The following SCAPER variants were observed in gnomAD, a reference collection of about 807,000 sequenced individuals.
SCAPER encodes S-phase cyclin A associated protein in the ER.
SCAPER carries 98 observed loss-of-function variants against 182.2 expected under a neutral mutation model. The observed-to-expected ratio is 0.54, with a 90% CI of 0.46 to 0.64. SCAPER has a LOEUF of 0.64. SCAPER is among the 30% of genes least tolerant of loss of function. The probability of loss-of-function intolerance (pLI) is 0.00; values close to 1 mark genes in which losing one functional copy is unlikely to be tolerated. For missense variants in SCAPER, 1,432 were observed against 1,690.0 expected, an observed-to-expected ratio of 0.85 and a Z score of 2.68; for synonymous variants, 605 against 564.6, an observed-to-expected ratio of 1.07 and a Z score of -1.01.
chr15:76,440,908 T>TC, intron 25 of SCAPER, among the ~76,000 whole-genome samples: 1 of 33,394 alleles, frequency 3.0e-5, no homozygotes, highest in Non-Finnish European at 7.4e-5. Context: ...CCCCTTCTGG[T>TC]TTTTTTTTTG....
In SCAPER at chr15:76,793,173, C is replaced by T. The variant is rs549097384; in HGVS notation, c.772+2107G>A. 1.7e-5 allele frequency: 18 copies of T among 1,029,580 alleles called. No homozygotes were observed. In the Admixed American group the frequency reaches 2.4e-4, roughly 14 times the overall value. The allele number at this position is 1,029,580 out of a possible 1,614,324, so 63.8% of individuals were successfully genotyped here. ...TTAACTAGAATTATTTTTTATAACA[C>T]AAAAATTACAAACTTCAGTTCTATA... On this transcript the variant is annotated intron_variant, in intron 8 of 31. Coordinates refer to ENST00000563290, the MANE Select transcript of SCAPER (RefSeq NM_020843.4).
intron 27 of SCAPER, among the ~76,000 whole-genome samples, chr15:76,392,190 C>T (rs561071793): frequency 1.3e-5 from 2 of 152,176 alleles, no homozygotes; most frequent in East Asian, 3.9e-4. Flanking sequence ...CTTGCTGTGG[C>T]TTGATTTACC....
At chr15:76,654,065 A>G (rs1187024630) in intron 21 of SCAPER, among the ~76,000 whole-genome samples, 2 of 152,236 alleles carry the variant, frequency 1.3e-5, no homozygotes, top group Non-Finnish European at 2.9e-5. Flanking sequence ...ACTTCTCAAA[A>G]GAAGATATAT....
intron 1 of SCAPER, among the ~76,000 whole-genome samples, chr15:76,884,517 T>C (rs1368134613): frequency 2.0e-5 from 3 of 152,180 alleles, no homozygotes; most frequent in Admixed American, 2.0e-4. Flanking sequence ...GGGAAATTGC[T>C]TAACAAACAA....
At chr15:76,586,898 C>T (rs2469243) in intron 22 of SCAPER, among the ~76,000 whole-genome samples, 147,436 of 152,076 alleles carry the variant, frequency 0.97, 71,622 homozygotes, top group South Asian at 1. Flanking sequence ...TCTTTGAATG[C>T]CTGATAGAAT....
At chr15:76,526,398 A>G (rs2043201456) in intron 23 of SCAPER, among the ~76,000 whole-genome samples, 1 of 152,122 alleles carries the variant, frequency 6.6e-6, no homozygotes, top group Admixed American at 6.6e-5. Flanking sequence ...TAGTAGTTTA[A>G]AGTATTTTCT....
In SCAPER at chr15:76,775,006, T is replaced by G; in HGVS notation, c.884A>C (p.Lys295Thr). The G allele has an allele frequency of 6.2e-7, 1 of 1,613,910 alleles. No homozygotes were observed. Among genetic ancestry groups the G allele is most frequent in the African/African-American group, 1.3e-5 (1 of 75,068 alleles). Residue 295 changes from lysine to threonine, a missense_variant, in exon 9 of 32, where the codon AAG becomes ACG. Coordinates refer to ENST00000563290, the MANE Select transcript of SCAPER (RefSeq NM_020843.4). ...TACATTTTCTTTATCACTGTCATCC[T>G]TTGATCTTGTGGCTTCTGTTGCCAA... The part of the protein sequence containing the change: ...VSLATEATRS[K>T]DDSDKENVCL...
intron 23 of SCAPER, among the ~76,000 whole-genome samples, chr15:76,572,919 TCACACA>T (rs58395846): frequency 1.3e-3 from 177 of 135,262 alleles, no homozygotes; most frequent in African/African-American, 4.9e-3. Context: ...TCTCTCTCTC[TCACACA>T]CACACACACA....
At chr15:76,566,931 T>C (rs913254121) in intron 23 of SCAPER, among the ~76,000 whole-genome samples, 3 of 152,082 alleles carry the variant, frequency 2.0e-5, no homozygotes, top group Non-Finnish European at 2.9e-5. Context: ...GTAACCAGTA[T>C]CCAGTCAAGA....
intron 26 of SCAPER, among the ~76,000 whole-genome samples, chr15:76,420,222 T>C (rs1220701937): frequency 1.4e-5 from 2 of 147,670 alleles, no homozygotes; most frequent in East Asian, 4.0e-4. Context: ...CACCCCTCTA[T>C]AGATGTTTTT....
chr15:76,728,675 C>T lies in SCAPER; in HGVS notation c.2085G>A (p.Arg695=), dbSNP rs1368953974. Residue 695 remains arginine (R), a synonymous_variant, in exon 17 of 32, where the codon AGG becomes AGA. Transcript: ENST00000563290. ...QARVEELLMK[R]KEQEARIEQQ... is the part of the protein sequence containing the mutation. ...GTTCAATTCGGGCTTCTTGTTCTTT[C>T]CTCTTCATTAACAATTCTTCTACAC... The T allele has an allele frequency of 1.9e-6, 3 of 1,613,494 alleles. No individual in the cohort carries two copies. The highest frequency in any genetic ancestry group is 1.3e-5 in the African/African-American group (1 of 74,904).
intron 22 of SCAPER, among the ~76,000 whole-genome samples, chr15:76,591,620 T>C (rs1173200555): frequency 6.6e-6 from 1 of 152,210 alleles, no homozygotes; most frequent in Non-Finnish European, 1.5e-5. Context: ...TGTCACCATG[T>C]CTGGCTACTT....
intron 8 of SCAPER, chr15:76,793,091 C>A: frequency 1.9e-6 from 1 of 526,628 alleles, no homozygotes; most frequent in Non-Finnish European, 3.2e-6. Flanking sequence ...CATTTTATAC[C>A]ATTTTAGCTG....
chr15:76,791,931 A>T (rs186689907), intron 8 of SCAPER, among the ~76,000 whole-genome samples: 47 of 151,314 alleles, frequency 3.1e-4, no homozygotes, highest in Middle Eastern at 3.4e-3. Flanking sequence ...AGAACAAATG[A>T]TTGGTTTTTT....
chr15:76,614,116 G>C (rs1034575876), intron 22 of SCAPER, among the ~76,000 whole-genome samples: 2 of 152,058 alleles, frequency 1.3e-5, no homozygotes, highest in African/African-American at 4.8e-5. Context: ...TGGTGCTGCG[G>C]GCCATTACCC....
At chr15:76,706,636 T>C (rs1371503709) in intron 17 of SCAPER, among the ~76,000 whole-genome samples, 1 of 152,108 alleles carries the variant, frequency 6.6e-6, no homozygotes, top group African/African-American at 2.4e-5. Context: ...CAAAAAGACC[T>C]GCATTCAGGA....
intron 8 of SCAPER, among the ~76,000 whole-genome samples, chr15:76,794,082 T>C (rs1375295487): frequency 6.6e-6 from 1 of 152,172 alleles, no homozygotes; most frequent in Non-Finnish European, 1.5e-5. Context: ...AGTTTGCTTT[T>C]CCCACAGAAT....
intron 22 of SCAPER, among the ~76,000 whole-genome samples, chr15:76,579,058 A>G (rs2048065075): frequency 6.6e-6 from 1 of 152,022 alleles, no homozygotes; most frequent in Non-Finnish European, 1.5e-5. Context: ...CAAGGACAGG[A>G]GATCGAGACA....
intron 20 of SCAPER, among the ~76,000 whole-genome samples, chr15:76,693,906 C>G (rs2058513132): frequency 6.6e-6 from 1 of 152,088 alleles, no homozygotes; most frequent in Admixed American, 6.5e-5. Context: ...TGTGGATTAA[C>G]AGTGGTGATG....
Sources: allele counts gnomAD v4.1 joint callset (sites outside exome capture counted in the v4.1 genomes callset), GRCh38; gene constraint gnomAD v4.1.1; transcripts MANE v1.5; gene names NCBI Gene and HGNC (gene_info 2026-07-23, HGNC 2026-07-21).